Variants in EZH2 observed in about 807,000 individuals in gnomAD.
EZH2 encodes enhancer of zeste 2 polycomb repressive complex 2 subunit, also known as histone-lysine N-methyltransferase EZH2.
EZH2 carries 18 observed loss-of-function variants against 98.4 expected under a neutral mutation model. The ratio of observed to expected loss-of-function variants is 0.18; its 90% confidence interval spans 0.13 to 0.27. The LOEUF (loss-of-function observed/expected upper bound fraction) is 0.27. Ranked by LOEUF, EZH2 falls within the 10% of genes least tolerant of loss-of-function variation. The pLI is 1.00. For missense variants in EZH2, 470 were observed against 935.1 expected (o/e 0.50, Z 6.49); for synonymous variants, 338 against 312.3 (o/e 1.08, Z -0.87).
intron 15 of EZH2, among the ~76,000 whole-genome samples, chr7:148,812,518 G>A (rs998207097): frequency 1.3e-5 from 2 of 152,140 alleles, no homozygotes; most frequent in Non-Finnish European, 2.9e-5. Flanking sequence ...TTCCCAAATA[G>A]CCTTCTGATC....
In EZH2 at chr7:148,859,151, G is replaced by C. The variant is rs544700531; in HGVS notation, c.-7-11846C>G. Among the ~76,000 whole-genome samples the C allele has an allele frequency of 1.5e-3, 222 of 152,278 alleles. 2 individuals carry two copies. Among genetic ancestry groups the C allele is most frequent in the African/African-American group, 5.2e-3 (216 of 41,554 alleles). On this transcript the variant is annotated intron_variant, in intron 1 of 19. Coordinates refer to ENST00000320356, the MANE Select transcript of EZH2 (RefSeq NM_004456.5). ...GACTACAATAGAAACTGAAGACTTA[G>C]CAATTAACAATTAAAAATCTGTGCC...
intron 1 of EZH2, among the ~76,000 whole-genome samples, chr7:148,879,683 G>C (rs1006181267): frequency 5.9e-5 from 9 of 151,888 alleles, no homozygotes; most frequent in African/African-American, 1.9e-4. Context: ...GAGTGACACT[G>C]CATCTCAAAA....
intron 7 of EZH2, 106 bp downstream of exon 7, chr7:148,827,058 C>T (rs1807921157): frequency 2.5e-6 from 2 of 790,890 alleles, no homozygotes; most frequent in Non-Finnish European, 4.1e-6. Context: ...ACACTGTAAA[C>T]AAAGTGTAGT....
chr7:148,881,354 G>A (rs1024430779), intron 1 of EZH2, among the ~76,000 whole-genome samples: 14 of 152,126 alleles, frequency 9.2e-5, no homozygotes, highest in Non-Finnish European at 1.9e-4. Context: ...GGAGAAATTT[G>A]CCTAAAATTT....
chr7:148,809,470 A>C, intron 17 of EZH2, 80 bp from the exon 18 acceptor site: 5 of 1,120,048 alleles, frequency 4.5e-6, no homozygotes, highest in Middle Eastern at 2.3e-4. Context: ...TTGTAAATGC[A>C]ACTGGTTACA....
rs550763633 is a variant in EZH2, at chr7:148,823,549, A to G, written c.907+2905T>C. 2.6e-5 allele frequency among the ~76,000 whole-genome samples: 4 copies of G among 152,198 alleles called. No homozygotes were observed. In the East Asian group the frequency reaches 7.7e-4, roughly 29 times the overall value. On this transcript the variant is annotated intron_variant, in intron 8 of 19. Transcript: ENST00000320356. ...AAACTGTAAAAAAAATACGAGAACCAATAAAAGTGGTTAACTACTAATAAA... is the reference window on the plus strand; with the variant it reads ...AAACTGTAAAAAAAATACGAGAACCGATAAAAGTGGTTAACTACTAATAAA...
intron 1 of EZH2, among the ~76,000 whole-genome samples, chr7:148,849,865 A>T (rs1175162058): frequency 5.9e-5 from 9 of 152,206 alleles, no homozygotes. Context: ...ATCAGATAAA[A>T]AGGAATGATC....
chr7:148,858,987 G>A (rs1365915479), intron 1 of EZH2, among the ~76,000 whole-genome samples: 1 of 152,124 alleles, frequency 6.6e-6, no homozygotes, highest in African/African-American at 2.4e-5. Flanking sequence ...AAAATGAAGA[G>A]AAAAACTGGT....
chr7:148,874,557 T>TA (rs1462262746), intron 1 of EZH2, among the ~76,000 whole-genome samples: 1 of 152,146 alleles, frequency 6.6e-6, no homozygotes, highest in Non-Finnish European at 1.5e-5. Context: ...ACAGTGGTGG[T>TA]AAACAACACC....
intron 17 of EZH2, among the ~76,000 whole-genome samples, chr7:148,809,877 C>T (rs771461122): frequency 7.2e-5 from 11 of 152,242 alleles, no homozygotes; most frequent in Non-Finnish European, 1.6e-4. Flanking sequence ...CACAGCCTTA[C>T]ATTCTACCCC....
chr7:148,808,063 T>C (rs774897250), intron 19 of EZH2, among the ~76,000 whole-genome samples: 11 of 151,952 alleles, frequency 7.2e-5, no homozygotes, highest in Non-Finnish European at 1.0e-4. Flanking sequence ...GAAGGCAAAA[T>C]AGAACCATGG....
At chr7:148,876,079 G>A (rs975900775) in intron 1 of EZH2, 4 of 152,116 alleles carry the variant, frequency 2.6e-5, no homozygotes, top group South Asian at 2.1e-4. Context: ...TGAGAGGTTC[G>A]ATTGAGCCCA....
chr7:148,868,870 T>C (rs1818920615), intron 1 of EZH2, among the ~76,000 whole-genome samples: 1 of 152,166 alleles, frequency 6.6e-6, no homozygotes, highest in African/African-American at 2.4e-5. Flanking sequence ...CTAGAAAATG[T>C]GTATAGTACA....
intron 15 of EZH2, among the ~76,000 whole-genome samples, chr7:148,812,863 C>A (rs1803483420): frequency 6.6e-6 from 1 of 152,118 alleles, no homozygotes; most frequent in African/African-American, 2.4e-5. Context: ...AAACAAAAAG[C>A]CCACCACCCT....
At position 148,817,403 on chromosome 7, in the gene EZH2, A is replaced by AATGT; in HGVS notation, c.1241-16_1241-13dup. On this transcript the variant is annotated splice_polypyrimidine_tract_variant and intron_variant, in intron 10 of 19. Transcript: ENST00000320356. ...CCGAGAATTTGCTTCTACAAAACCA[A>AATGT]ATGTAAGCACTGGTCAAGAAATGAT... 1 of 1,611,718 alleles carries AATGT rather than the reference A, an allele frequency of 6.2e-7. No homozygotes were observed. Among genetic ancestry groups the AATGT allele is most frequent in the Non-Finnish European group, 8.5e-7 (1 of 1,179,268 alleles).
intron 3 of EZH2, among the ~76,000 whole-genome samples, chr7:148,839,391 A>G (rs1811826998): frequency 6.6e-6 from 1 of 152,144 alleles, no homozygotes; most frequent in African/African-American, 2.4e-5. Context: ...TATAAAAATG[A>G]AAACAGAGAA....
intron 1 of EZH2, among the ~76,000 whole-genome samples, chr7:148,855,506 T>A (rs970705338): frequency 6.6e-6 from 1 of 152,146 alleles, no homozygotes; most frequent in Non-Finnish European, 1.5e-5. Flanking sequence ...AAAAGGCTAA[T>A]TCAAGAGCCT....
chr7:148,837,098 C>T (rs1811102891), intron 3 of EZH2: 1 of 415,026 alleles, frequency 2.4e-6, no homozygotes, highest in Non-Finnish European at 4.8e-6. Context: ...CACAACTACC[C>T]TGTGAGGTAG....
intron 1 of EZH2, among the ~76,000 whole-genome samples, chr7:148,880,444 T>C (rs1472689767): frequency 2.6e-5 from 4 of 152,222 alleles, no homozygotes; most frequent in Non-Finnish European, 2.9e-5. Flanking sequence ...CTTCCTTATA[T>C]TTTTGCAAAG....
Sources: gnomAD v4.1 joint callset for allele counts (sites outside exome capture counted in the v4.1 genomes callset) on GRCh38, gnomAD v4.1.1 for gene constraint, MANE v1.5 for transcripts, NCBI Gene and HGNC (gene_info 2026-07-23, HGNC 2026-07-21) for gene names.